FOXN3: variants seen among roughly 807,000 people sequenced by gnomAD.
The protein encoded by FOXN3 is forkhead box N3, also known as forkhead box protein N3.
Under a neutral mutation model 38.4 loss-of-function variants are expected in FOXN3, and 7 were observed. The ratio of observed to expected loss-of-function variants is 0.18; its 90% CI spans 0.10 to 0.34. The LOEUF (loss-of-function observed/expected upper bound fraction) is 0.34, where lower values mean the gene tolerates loss of function less well. Ranked by LOEUF, FOXN3 falls within the 10% of genes least tolerant of loss-of-function variation. The pLI is 1.00. For synonymous variants in FOXN3, 230 were observed against 242.2 expected, an observed-to-expected ratio of 0.95 and a Z score of 0.47; for missense variants, 456 against 613.4, an observed-to-expected ratio of 0.74 and a Z score of 2.71.
At chr14:89,267,588 C>G (rs1886023336) in intron 4 of FOXN3, among the ~76,000 whole-genome samples, 1 of 152,162 alleles carries the variant, frequency 6.6e-6, no homozygotes, top group East Asian at 1.9e-4. Context: ...CATCTCAAAT[C>G]AGTATAATTT....
At chr14:89,593,247 G>A (rs982645577) in intron 1 of FOXN3, among the ~76,000 whole-genome samples, 2 of 149,950 alleles carry the variant, frequency 1.3e-5, no homozygotes, top group South Asian at 4.2e-4. Context: ...GAGGGAGGGA[G>A]GGAAGGAAGG....
intron 2 of FOXN3, among the ~76,000 whole-genome samples, chr14:89,360,228 C>G (rs2140025355): frequency 6.6e-6 from 1 of 152,106 alleles, no homozygotes; most frequent in Non-Finnish European, 1.5e-5. Context: ...CTCAACTCCT[C>G]AGGGCCCAGC....
At chr14:89,515,962 T>A (rs984126704) in intron 1 of FOXN3, among the ~76,000 whole-genome samples, 2 of 152,156 alleles carry the variant, frequency 1.3e-5, no homozygotes, top group Non-Finnish European at 2.9e-5. Context: ...GTTCTCCTCA[T>A]CTCTGCCAGG....
chr14:89,552,953 G>A (rs1046564339), intron 1 of FOXN3, among the ~76,000 whole-genome samples: 10 of 152,124 alleles, frequency 6.6e-5, no homozygotes, highest in South Asian at 2.1e-4. Context: ...CCATTTGGCA[G>A]GTGTTTATGG....
At chr14:89,373,339 T>C (rs1465281257) in intron 2 of FOXN3, among the ~76,000 whole-genome samples, 2 of 151,806 alleles carry the variant, frequency 1.3e-5, no homozygotes, top group Admixed American at 1.3e-4. Flanking sequence ...CTGAGTTCTA[T>C]AGTGGGGTGC....
At chr14:89,191,612 T>C (rs1887944565) in intron 4 of FOXN3, among the ~76,000 whole-genome samples, 1 of 152,148 alleles carries the variant, frequency 6.6e-6, no homozygotes, top group African/African-American at 2.4e-5. Flanking sequence ...GCTAGAAAAT[T>C]ACTTTTTTAA....
At chr14:89,495,919 G>C (rs559855502) in intron 1 of FOXN3, among the ~76,000 whole-genome samples, 13 of 152,268 alleles carry the variant, frequency 8.5e-5, no homozygotes, top group Non-Finnish European at 1.6e-4. Context: ...TAGGGGCCGT[G>C]CTGCTCCTAA....
intron 5 of FOXN3, among the ~76,000 whole-genome samples, chr14:89,174,767 T>G (rs1033636034): frequency 6.6e-6 from 1 of 152,308 alleles, no homozygotes; most frequent in Non-Finnish European, 1.5e-5. Flanking sequence ...CAGTGCATGC[T>G]TTGTGTAACT....
chr14:89,181,201 TA>T (rs35634331), intron 4 of FOXN3, among the ~76,000 whole-genome samples: 142 of 145,626 alleles, frequency 9.8e-4, no homozygotes, highest in Middle Eastern at 3.5e-3. Flanking sequence ...ATGCCTAGGT[TA>T]AAAAAAAAAA....
In FOXN3 at chr14:89,162,933, A is replaced by G. The variant is rs1378254133; in HGVS notation, c.888T>C (p.Ser296=). ...CCACTGGGGAGCCACAAGATGGCTC[A>G]CTCTCAGTCCGCATCCGGCAGCTGG... ...GITSCRMRTE[S]EPSCGSPVVS... is the part of the protein sequence containing the mutation. The change falls in exon 6 of 6, where the codon AGT becomes AGC. Residue 296 remains serine, a synonymous_variant. Transcript: ENST00000557258. The surrounding 1 kb of genome is among the most constrained non-coding windows in gnomAD (Gnocchi z 7.2). The G allele has an allele frequency of 1.9e-6, 3 of 1,579,532 alleles. No homozygotes were observed. The highest frequency in any genetic ancestry group is 2.6e-6 in the Non-Finnish European group (3 of 1,159,074).
chr14:89,515,065 G>A lies in FOXN3; in HGVS notation c.-14-102575C>T, dbSNP rs533814142. Among the ~76,000 whole-genome samples the A allele has an allele frequency of 2.0e-5, 3 of 152,020 alleles. No individual in the cohort carries two copies. The East Asian group carries it at 5.8e-4, about 29-fold the overall frequency. Reference sequence around the variant, plus strand: ...CTCCAGAGTAGCTGGGATTACAAGCGCCCGCCACCACGTCCAGCTACTTTT... The same window carrying A: ...CTCCAGAGTAGCTGGGATTACAAGCACCCGCCACCACGTCCAGCTACTTTT... On this transcript the variant is annotated intron_variant, in intron 1 of 6. Coordinates refer to the FOXN3 transcript ENST00000345097.
At chr14:89,377,051 A>AAAAAAAAAAAAAAAAAAAAAAAAAC (rs1890502014) in intron 2 of FOXN3, among the ~76,000 whole-genome samples, 1 of 135,820 alleles carries the variant, frequency 7.4e-6, no homozygotes, top group Non-Finnish European at 1.6e-5. Flanking sequence ...AAAAAAAAAA[A>AAAAAAAAAAAAAAAAAAAAAAAAAC]AAAGCTTGAG....
chr14:89,602,288 C>CA (rs111592437), intron 1 of FOXN3, among the ~76,000 whole-genome samples: 3,480 of 133,596 alleles, frequency 0.026, 131 homozygotes, highest in African/African-American at 0.088. Flanking sequence ...GACTTTGTGT[C>CA]AAAAAAAAAA....
At chr14:89,288,640 A>C (rs1307560257) in intron 3 of FOXN3, among the ~76,000 whole-genome samples, 1 of 117,456 alleles carries the variant, frequency 8.5e-6, no homozygotes. Flanking sequence ...TGGAAACGAC[A>C]TACTCCAAAG....
chr14:89,371,557 C>T (rs1409840235), intron 2 of FOXN3, among the ~76,000 whole-genome samples: 1 of 151,896 alleles, frequency 6.6e-6, no homozygotes, highest in Non-Finnish European at 1.5e-5. Context: ...TGGTCCTCTC[C>T]CCAGTCTATA....
intron 4 of FOXN3, among the ~76,000 whole-genome samples, chr14:89,266,966 C>T (rs1885998716): frequency 6.6e-6 from 1 of 152,162 alleles, no homozygotes. Flanking sequence ...AATGCACAGA[C>T]AGCACTTGAG....
chr14:89,357,684 G>A (rs1889288779), intron 2 of FOXN3, among the ~76,000 whole-genome samples: 1 of 152,022 alleles, frequency 6.6e-6, no homozygotes, highest in Non-Finnish European at 1.5e-5. Flanking sequence ...AGATCAAGTA[G>A]GAGAAGTAAT....
chr14:89,607,919 C>T (rs1292825348), intron 1 of FOXN3, among the ~76,000 whole-genome samples: 20 of 151,832 alleles, frequency 1.3e-4, no homozygotes, highest in African/African-American at 4.4e-4. Context: ...CGGGTTCAAG[C>T]GATTCTCCTG....
Position 89,161,596 on chromosome 14 carries a change from T to TGTGCGTGC in FOXN3, c.*817_*818insGCACGCAC, listed in dbSNP as rs61390956. On this transcript the variant is annotated 3_prime_UTR_variant, in exon 6 of 6. Coordinates refer to ENST00000557258, the MANE Select transcript of FOXN3 (RefSeq NM_005197.4). The stretch of plus-strand genomic sequence containing the variant: ...GTGTGTGTGTGTGTGTGTGTGTGTG[T>TGTGCGTGC]GCGTGCGTGCACAGGGCCAATCTTC... 7.3e-6 allele frequency: 1 copy of TGTGCGTGC among 136,624 alleles called. No homozygotes were observed. The highest frequency in any genetic ancestry group is 2.6e-4 in the South Asian group (1 of 3,906). 8.5% of individuals were successfully genotyped at this position (136,624 alleles called of 1,614,324 possible). A position where few individuals can be genotyped will look rare whatever the true frequency, so the allele number is the denominator to read the frequency against.
Sources: allele counts gnomAD v4.1 joint callset (sites outside exome capture counted in the v4.1 genomes callset), GRCh38; gene constraint gnomAD v4.1.1; non-coding constraint Gnocchi (gnomAD v3.1); transcripts MANE v1.5; gene names NCBI Gene and HGNC (gene_info 2026-07-23, HGNC 2026-07-21).